MARCHF5: variants seen among roughly 807,000 people sequenced by gnomAD.
MARCHF5 encodes membrane associated ring-CH-type finger 5.
In MARCHF5, 5 loss-of-function variants were observed where a neutral mutation model predicts 36.5. That is an observed-to-expected ratio of 0.14 (90% confidence interval 0.07 to 0.29). The LOEUF is 0.29. Ranked by LOEUF, MARCHF5 falls within the 10% of genes least tolerant of loss-of-function variation. The pLI, the probability that MARCHF5 is intolerant of heterozygous loss-of-function variation, is 1.00. For missense variants in MARCHF5, 179 were observed against 336.3 expected (o/e 0.53, Z 3.66); for synonymous variants, 103 against 109.9 (o/e 0.94, Z 0.39).
At chr10:92,350,105 A>ACT (rs1219059615) in intron 5 of MARCHF5, 2 of 366,042 alleles carry the variant, frequency 5.5e-6, no homozygotes, top group Admixed American at 4.4e-5. Flanking sequence ...TGCCAGTGGG[A>ACT]TTACAGTACT....
At chr10:92,346,906 C>G (rs998204670) in intron 3 of MARCHF5, among the ~76,000 whole-genome samples, 17 of 152,046 alleles carry the variant, frequency 1.1e-4, no homozygotes, top group Non-Finnish European at 2.9e-5. Flanking sequence ...CTTTATATTT[C>G]TAAACCCAAA....
At chr10:92,296,273 C>T (rs1435031623) in intron 1 of MARCHF5, among the ~76,000 whole-genome samples, 2 of 152,014 alleles carry the variant, frequency 1.3e-5, no homozygotes, top group Admixed American at 6.6e-5. Context: ...TGTGGGGAAA[C>T]AAGAATGGTG....
At chr10:92,322,113 G>A (rs551098211) in intron 2 of MARCHF5, among the ~76,000 whole-genome samples, 3 of 151,104 alleles carry the variant, frequency 2.0e-5, no homozygotes, top group Admixed American at 6.6e-5. Flanking sequence ...GCATGGTGGC[G>A]GGCACCTATA....
intron 3 of MARCHF5, among the ~76,000 whole-genome samples, chr10:92,345,084 A>T (rs967034849): frequency 6.6e-6 from 1 of 151,986 alleles, no homozygotes; most frequent in Non-Finnish European, 1.5e-5. Context: ...TGTTTAGCCT[A>T]GTTCCCATTT....
chr10:92,318,785 G>C (rs7083650), intron 2 of MARCHF5, among the ~76,000 whole-genome samples: 16,106 of 151,904 alleles, frequency 0.11, 2,814 homozygotes, highest in African/African-American at 0.37. Flanking sequence ...TGCAACCTCT[G>C]CCTACTGCAG....
At chr10:92,326,267 G>A (rs1843356619) in intron 2 of MARCHF5, among the ~76,000 whole-genome samples, 2 of 151,974 alleles carry the variant, frequency 1.3e-5, no homozygotes, top group African/African-American at 4.8e-5. Flanking sequence ...TCCATTCTCT[G>A]TTTCATTCTA....
chr10:92,295,009 A>C (rs767411207), intron 1 of MARCHF5, among the ~76,000 whole-genome samples: 2 of 152,220 alleles, frequency 1.3e-5, no homozygotes, highest in African/African-American at 2.4e-5. Context: ...ACTACAGCCC[A>C]GGTAACAGAG....
intron 1 of MARCHF5, among the ~76,000 whole-genome samples, chr10:92,295,923 T>C (rs1452310786): frequency 6.6e-6 from 1 of 152,008 alleles, no homozygotes; most frequent in East Asian, 1.9e-4. Context: ...CCCAGGCTGC[T>C]GGAGGGCAGT....
chr10:92,291,453 C>G lies in MARCHF5; in HGVS notation c.-42C>G, dbSNP rs1280123254. On this transcript the variant is annotated 5_prime_UTR_variant, in exon 1 of 6. Coordinates refer to ENST00000358935, the MANE Select transcript of MARCHF5 (RefSeq NM_017824.5). ...TATTGTCCCTGGGCCTGGCCTTGAG[C>G]GGGTCCACTGGGGAAGGCCGTGTGC... 2.7e-6 allele frequency: 4 copies of G among 1,501,686 alleles called. No homozygotes were observed. Among genetic ancestry groups the G allele is most frequent in the Non-Finnish European group, 3.6e-6 (4 of 1,103,080 alleles). The allele number at this position is 1,501,686 out of a possible 1,614,324, so 93.0% of individuals were successfully genotyped here.
At chr10:92,344,608 T>G (rs935327419) in intron 3 of MARCHF5, among the ~76,000 whole-genome samples, 21 of 152,342 alleles carry the variant, frequency 1.4e-4, no homozygotes, top group African/African-American at 5.1e-4. Flanking sequence ...TGTGCCCCTC[T>G]ACACCATCAG....
intron 1 of MARCHF5, among the ~76,000 whole-genome samples, chr10:92,294,771 C>T (rs1219057255): frequency 6.6e-6 from 1 of 152,200 alleles, no homozygotes; most frequent in Non-Finnish European, 1.5e-5. Context: ...GGCACAGTAG[C>T]TCATGCCTGT....
At position 92,351,532 on chromosome 10, in the gene MARCHF5, A is replaced by G. The variant is rs983634848; in HGVS notation, c.*325A>G. ...CTGTGCAAATATTAAAAAAATGCAC[A>G]TGCTGTTTTATTCAAATGCCTCTTT... On this transcript the variant is annotated 3_prime_UTR_variant, in exon 6 of 6. Transcript: ENST00000358935. The G allele has an allele frequency of 1.1e-5, 2 of 175,076 alleles. No individual in the cohort carries two copies. Among genetic ancestry groups the G allele is most frequent in the African/African-American group, 4.7e-5 (2 of 42,266 alleles). 10.8% of individuals were successfully genotyped at this position (175,076 alleles called of 1,614,324 possible). A position where few individuals can be genotyped will look rare whatever the true frequency, so the allele number is the denominator to read the frequency against.
At chr10:92,340,832 T>G (rs2135214602) in intron 3 of MARCHF5, 29 bp downstream of exon 3, 3 of 1,542,988 alleles carry the variant, frequency 1.9e-6, no homozygotes, top group Non-Finnish European at 2.6e-6. Context: ...ATAGTGATAT[T>G]ACTTGGTGTG....
chr10:92,307,526 G>A (rs1029534040), intron 1 of MARCHF5, among the ~76,000 whole-genome samples: 16 of 152,206 alleles, frequency 1.1e-4, no homozygotes, highest in African/African-American at 1.9e-4. Context: ...AGGAGTTTGA[G>A]ACTGGTCTAG....
At chr10:92,300,744 G>T (rs1489203093) in intron 1 of MARCHF5, among the ~76,000 whole-genome samples, 1 of 151,974 alleles carries the variant, frequency 6.6e-6, no homozygotes, top group Non-Finnish European at 1.5e-5. Context: ...GTTTTGTTTG[G>T]CATCTTTTCT....
chr10:92,292,972 C>T (rs1025959094), intron 1 of MARCHF5, among the ~76,000 whole-genome samples: 1 of 152,130 alleles, frequency 6.6e-6, no homozygotes, highest in Admixed American at 6.5e-5. Flanking sequence ...AAAATATGCC[C>T]AGAGGAAACC....
In MARCHF5 at chr10:92,353,878, C is replaced by T. The variant is rs893430269; in HGVS notation, c.*2671C>T. 6.6e-6 allele frequency: 1 copy of T among 152,542 alleles called. No individual in the cohort carries two copies. 9.4% of individuals were successfully genotyped at this position (152,542 alleles called of 1,614,324 possible). On this transcript the variant is annotated 3_prime_UTR_variant, in exon 6 of 6. Transcript: ENST00000358935. The stretch of plus-strand genomic sequence containing the variant: ...ATTAGTCACTGCCTTGCTAACTTTG[C>T]TGTAATTTTTTTAAACGTCTTGTTT...
At chr10:92,347,495 T>C (rs1843659088) in intron 3 of MARCHF5, among the ~76,000 whole-genome samples, 1 of 83,214 alleles carries the variant, frequency 1.2e-5, no homozygotes, top group East Asian at 3.0e-4. Context: ...GATAGATAGA[T>C]AGATAGATAG....
intron 2 of MARCHF5, among the ~76,000 whole-genome samples, chr10:92,324,764 G>A (rs913874166): frequency 6.6e-6 from 1 of 151,878 alleles, no homozygotes; most frequent in African/African-American, 2.4e-5. Context: ...ATTTAGGAAT[G>A]TAGTGTTTAA....
Sources: allele counts gnomAD v4.1 joint callset (sites outside exome capture counted in the v4.1 genomes callset), GRCh38; gene constraint gnomAD v4.1.1; transcripts MANE v1.5; gene names NCBI Gene and HGNC (gene_info 2026-07-23, HGNC 2026-07-21).